LIPI: variants seen among roughly 807,000 people sequenced by gnomAD.
The protein encoded by LIPI is lipase member I.
LIPI carries 59 observed loss-of-function variants against 50.6 expected under a neutral mutation model. The ratio of observed to expected loss-of-function variants is 1.16; its 90% CI spans 0.94 to 1.45. LIPI has a LOEUF of 1.45. LIPI is among the 40% of genes most tolerant of loss of function. The probability of loss-of-function intolerance (pLI) is 0.00; values close to 1 mark genes in which losing one functional copy is unlikely to be tolerated. For missense variants in LIPI, 586 were observed against 536.3 expected (o/e 1.09, Z -0.92); for synonymous variants, 203 against 178.2 (o/e 1.14, Z -1.11).
chr21:14,116,610 G>T (rs77472061), intron 9 of LIPI, among the ~76,000 whole-genome samples: 3 of 152,144 alleles, frequency 2.0e-5, no homozygotes, highest in Non-Finnish European at 4.4e-5. Context: ...GCCCTCTAAT[G>T]TAGGGTGGCC....
At chr21:14,113,783 A>C (rs376804177) in intron 9 of LIPI, among the ~76,000 whole-genome samples, 15 of 152,368 alleles carry the variant, frequency 9.8e-5, no homozygotes, top group African/African-American at 3.6e-4. Context: ...CTCACAGTTC[A>C]GCATGGCTTG....
chr21:14,209,573 G>A, intron 1 of LIPI, among the ~76,000 whole-genome samples: 1 of 152,190 alleles, frequency 6.6e-6, no homozygotes, highest in African/African-American at 2.4e-5. Flanking sequence ...ATTTACTACT[G>A]TTAATATCTA....
intron 9 of LIPI, among the ~76,000 whole-genome samples, chr21:14,138,851 A>G (rs559192220): frequency 5.3e-5 from 8 of 152,140 alleles, no homozygotes; most frequent in Non-Finnish European, 8.8e-5. Context: ...ACATTTACAT[A>G]ACACTTATAT....
At chr21:14,181,475 G>A (rs1002907605) in intron 4 of LIPI, among the ~76,000 whole-genome samples, 2 of 152,068 alleles carry the variant, frequency 1.3e-5, no homozygotes, top group Admixed American at 6.6e-5. Flanking sequence ...ATTGTCAACA[G>A]CATGAACAGA....
chr21:14,146,408 C>T (rs1402131245), intron 8 of LIPI, among the ~76,000 whole-genome samples: 1 of 152,196 alleles, frequency 6.6e-6, no homozygotes, highest in Non-Finnish European at 1.5e-5. Flanking sequence ...CTTTCAACCT[C>T]CACATTCAAT....
At chr21:14,167,491 C>G (rs1023621679) in intron 4 of LIPI, among the ~76,000 whole-genome samples, 1 of 152,172 alleles carries the variant, frequency 6.6e-6, no homozygotes, top group Non-Finnish European at 1.5e-5. Flanking sequence ...ACACCTCACA[C>G]AGCCGGGTAC....
intron 3 of LIPI, among the ~76,000 whole-genome samples, chr21:14,183,644 C>A (rs916443086): frequency 5.3e-5 from 8 of 152,084 alleles, no homozygotes; most frequent in South Asian, 4.1e-4. Flanking sequence ...AAACGAACAA[C>A]CCCATCAAAA....
intron 1 of LIPI, among the ~76,000 whole-genome samples, chr21:14,194,058 T>A: frequency 6.6e-6 from 1 of 152,126 alleles, no homozygotes; most frequent in Non-Finnish European, 1.5e-5. Context: ...CTATCACTAA[T>A]AATTGGGGAA....
At chr21:14,123,143 T>A (rs2016926003) in intron 9 of LIPI, among the ~76,000 whole-genome samples, 1 of 152,200 alleles carries the variant, frequency 6.6e-6, no homozygotes, top group African/African-American at 2.4e-5. Flanking sequence ...TATATCCAAG[T>A]GTCTGTCTAT....
chr21:14,203,072 C>T (rs934121942), intron 1 of LIPI, among the ~76,000 whole-genome samples: 1 of 152,138 alleles, frequency 6.6e-6, no homozygotes, highest in Non-Finnish European at 1.5e-5. Flanking sequence ...AGCCAAAAGA[C>T]ACATGAAAAA....
chr21:14,162,605 T>G (rs181788448), intron 7 of LIPI, among the ~76,000 whole-genome samples: 33 of 152,030 alleles, frequency 2.2e-4, no homozygotes, highest in Admixed American at 1.2e-3. Flanking sequence ...TACTTCTACA[T>G]GTAAATCTAA....
intron 9 of LIPI, among the ~76,000 whole-genome samples, chr21:14,128,814 C>T (rs745908622): frequency 7.2e-5 from 11 of 152,040 alleles, no homozygotes; most frequent in Admixed American, 2.6e-4. Flanking sequence ...GATAAAATTG[C>T]AATCAATGCA....
chr21:14,171,597 G>C (rs2018909818), intron 4 of LIPI, among the ~76,000 whole-genome samples: 1 of 150,558 alleles, frequency 6.6e-6, no homozygotes, highest in East Asian at 2.0e-4. Context: ...ACAAACCTGA[G>C]AAAAACAAGA....
chr21:14,207,121 G>A (rs2123358651), intron 1 of LIPI, among the ~76,000 whole-genome samples: 1 of 152,190 alleles, frequency 6.6e-6, no homozygotes. Flanking sequence ...GAATGCTAGT[G>A]GCAGAAAGCA....
chr21:14,165,253 A>G lies in LIPI; in HGVS notation c.871T>C (p.Cys291Arg), dbSNP rs867875700. 6.2e-7 allele frequency: 1 copy of G among 1,612,552 alleles called. No individual in the cohort carries two copies. Among genetic ancestry groups the G allele is most frequent in the Non-Finnish European group, 8.5e-7 (1 of 1,178,780 alleles). Reference sequence around the variant, plus strand: ...CGAGGACATGATTTTTCCTTAAAACAGTCACAGTCCACACATAAGCTAGTC... The same window carrying G: ...CGAGGACATGATTTTTCCTTAAAACGGTCACAGTCCACACATAAGCTAGTC... Reference protein sequence around the residue: ...YKTSLCVDCDCFKEKSCPRLG... With the variant: ...YKTSLCVDCDRFKEKSCPRLG... The change falls in exon 6 of 10, where the codon TGT (cysteine) becomes CGT (arginine). Residue 291 changes from cysteine to arginine, a missense_variant. Cys to Arg is a radical substitution (Grantham distance 180). Coordinates refer to ENST00000681601, the MANE Select transcript of LIPI (RefSeq NM_001302998.2).
intron 7 of LIPI, among the ~76,000 whole-genome samples, chr21:14,157,746 G>C (rs1014305804): frequency 4.6e-5 from 7 of 151,926 alleles, no homozygotes; most frequent in Non-Finnish European, 1.0e-4. Flanking sequence ...CCAGGGAGCA[G>C]AGCCATGAAC....
At chr21:14,199,635 G>A (rs2019983299) in intron 1 of LIPI, among the ~76,000 whole-genome samples, 1 of 150,992 alleles carries the variant, frequency 6.6e-6, no homozygotes, top group Non-Finnish European at 1.5e-5. Context: ...AAAAGTCTGG[G>A]ACCACATGTA....
chr21:14,207,410 C>T (rs1333020129), intron 1 of LIPI, among the ~76,000 whole-genome samples: 1 of 152,024 alleles, frequency 6.6e-6, no homozygotes, highest in African/African-American at 2.4e-5. Flanking sequence ...ACTATGTACT[C>T]TAGAAATAAT....
At chr21:14,206,558 C>A (rs574800713) in intron 1 of LIPI, among the ~76,000 whole-genome samples, 2 of 148,060 alleles carry the variant, frequency 1.4e-5, no homozygotes, top group Non-Finnish European at 3.0e-5. Flanking sequence ...AATCCTCACA[C>A]ATCTTAGAAA....
Sources: allele counts gnomAD v4.1 joint callset (sites outside exome capture counted in the v4.1 genomes callset), GRCh38; gene constraint gnomAD v4.1.1; transcripts MANE v1.5; gene names NCBI Gene and HGNC (gene_info 2026-07-23, HGNC 2026-07-21).